The following SMC3 variants were observed in gnomAD, a reference collection of about 807,000 sequenced individuals.
The protein encoded by SMC3 is structural maintenance of chromosomes protein 3.
In SMC3, 20 loss-of-function variants were observed where a neutral mutation model predicts 171.8. The ratio of observed to expected loss-of-function variants is 0.12; its 90% CI spans 0.08 to 0.17. SMC3 has a LOEUF of 0.17. SMC3 is among the 10% of genes least tolerant of loss of function. SMC3 has a pLI of 1.00. For synonymous variants in SMC3, 464 were observed against 451.1 expected (o/e 1.03, Z -0.36); for missense variants, 543 against 1,420.4 (o/e 0.38, Z 9.93).
intron 4 of SMC3, among the ~76,000 whole-genome samples, chr10:110,575,988 G>C (rs1860941881): frequency 6.6e-6 from 1 of 152,126 alleles, no homozygotes; most frequent in Admixed American, 6.5e-5. Flanking sequence ...AGCCATATTT[G>C]TACTTAGATA....
chr10:110,583,440 AAAAG>A lies in SMC3; in HGVS notation c.864_867del (p.Lys288AsnfsTer28). The A allele has an allele frequency of 6.2e-7, 1 of 1,614,154 alleles. No individual in the cohort carries two copies. Among genetic ancestry groups the A allele is most frequent in the South Asian group, 1.1e-5 (1 of 91,084 alleles). ...CAAAAATTTCAGCTATGAAAGAAGA[AAAAG>A]AACAGCTTAGTGCTGAAAGACAAGA... is the stretch of plus-strand genomic sequence containing the variant. On this transcript the variant is annotated frameshift_variant, in exon 11 of 29. Coordinates refer to ENST00000361804, the MANE Select transcript of SMC3 (RefSeq NM_005445.4). LOFTEE classifies it high-confidence loss of function.
chr10:110,602,056 G>A lies in SMC3; in HGVS notation c.2983G>A (p.Glu995Lys). Reference sequence around the variant, plus strand: ...TTTGGATCAGTTTGTAAATTTCTCCGAGCAGAAAGAAAAGTTAATAAAGCG... The same window carrying A: ...TTTGGATCAGTTTGTAAATTTCTCCAAGCAGAAAGAAAAGTTAATAAAGCG... The part of the protein sequence containing the change: ...KALDQFVNFS[E>K]QKEKLIKRQE... Residue 995 changes from glutamate to lysine, a missense_variant, in exon 25 of 29, where the codon GAG (glutamate) becomes AAG (lysine). Glu to Lys is a moderately conservative substitution (Grantham distance 56). Around this residue, in one of 8 missense-constraint regions of SMC3, gnomAD observed 81 missense variants for 184.2 expected, o/e 0.44. Transcript: ENST00000361804. 1 of 1,613,770 alleles carries A rather than the reference G, an allele frequency of 6.2e-7. No homozygotes were observed. The highest frequency in any genetic ancestry group is 8.5e-7 in the Non-Finnish European group (1 of 1,179,828).
Position 110,575,362 on chromosome 10 carries a change from T to C in SMC3, c.157T>C (p.Phe53Leu). The change falls in exon 4 of 29, where the codon TTT (phenylalanine) becomes CTT (leucine). Residue 53 changes from phenylalanine to leucine, a missense_variant. Around this residue, in one of 8 missense-constraint regions of SMC3, gnomAD observed 146 missense variants for 437.9 expected, o/e 0.33. Coordinates refer to ENST00000361804, the MANE Select transcript of SMC3 (RefSeq NM_005445.4). The part of the protein sequence containing the change: ...YAIQFVLSDE[F>L]SHLRPEQRLA... ...AATTCAGTTTGTTCTCAGTGATGAGTTTAGTCATCTTCGTCCAGAACAGCG... is the reference window on the plus strand; with the variant it reads ...AATTCAGTTTGTTCTCAGTGATGAGCTTAGTCATCTTCGTCCAGAACAGCG... 1 of 1,613,700 alleles carries C rather than the reference T, an allele frequency of 6.2e-7. No homozygotes were observed. The highest frequency in any genetic ancestry group is 8.5e-7 in the Non-Finnish European group (1 of 1,179,748).
At chr10:110,600,416 A>G in intron 21 of SMC3, 23 bp from the exon 22 acceptor site, 1 of 1,188,650 alleles carries the variant, frequency 8.4e-7, no homozygotes, top group Admixed American at 1.7e-5. Flanking sequence ...ATGCTTATAT[A>G]GACAACTTTT....
intron 13 of SMC3, among the ~76,000 whole-genome samples, chr10:110,586,406 T>C (rs1023243695): frequency 1.3e-5 from 2 of 152,194 alleles, no homozygotes; most frequent in African/African-American, 4.8e-5. Context: ...TTTATATGGT[T>C]AGTATAGTCT....
intron 2 of SMC3, among the ~76,000 whole-genome samples, chr10:110,571,440 C>T (rs1377107437): frequency 1.3e-5 from 2 of 152,230 alleles, no homozygotes; most frequent in East Asian, 1.9e-4. Flanking sequence ...GATTTGGATT[C>T]TGACAAGGAT....
chr10:110,567,844 C>A lies in SMC3; in HGVS notation c.15+13C>A, dbSNP rs1458674291. On this transcript the variant is annotated intron_variant, in intron 1 of 28. Transcript: ENST00000361804. Reference sequence around the variant, plus strand: ...GTACATAAAGCAGGTAAGGCCTTCGCGTCCCTCCACCCCGTCATGGGCCGG... The same window carrying A: ...GTACATAAAGCAGGTAAGGCCTTCGAGTCCCTCCACCCCGTCATGGGCCGG... The A allele has an allele frequency of 3.1e-6, 5 of 1,613,394 alleles. No individual in the cohort carries two copies. Among genetic ancestry groups the A allele is most frequent in the South Asian group, 1.1e-5 (1 of 91,064 alleles).
chr10:110,582,498 G>GATAAA, intron 9 of SMC3, 64 bp from the exon 10 acceptor site: 1 of 1,124,690 alleles, frequency 8.9e-7, no homozygotes, highest in Non-Finnish European at 1.3e-6. Flanking sequence ...ATTTTTATTA[G>GATAAA]ATGTTATGAA....
intron 21 of SMC3, among the ~76,000 whole-genome samples, chr10:110,600,138 A>G (rs1444663137): frequency 6.6e-6 from 1 of 152,214 alleles, no homozygotes; most frequent in Non-Finnish European, 1.5e-5. Flanking sequence ...TTGATCAAGC[A>G]TTTTAATTGA....
chr10:110,603,963 C>T (rs895648209), intron 28 of SMC3, among the ~76,000 whole-genome samples: 16 of 151,754 alleles, frequency 1.1e-4, no homozygotes, highest in African/African-American at 2.9e-4. Context: ...GGCATGCTGG[C>T]GTGCACCTGT....
intron 18 of SMC3, among the ~76,000 whole-genome samples, chr10:110,595,223 G>GC: frequency 6.6e-6 from 1 of 151,808 alleles, no homozygotes; most frequent in African/African-American, 2.4e-5. Flanking sequence ...CAGGTGATCT[G>GC]CCTGCCTCAA....
chr10:110,593,285 A>T lies in SMC3; in HGVS notation c.1963+62A>T. 2.6e-6 allele frequency: 4 copies of T among 1,560,116 alleles called. No homozygotes were observed. In the South Asian group the frequency reaches 4.5e-5, roughly 18 times the overall value. On this transcript the variant is annotated intron_variant, in intron 18 of 28. Coordinates refer to ENST00000361804, the MANE Select transcript of SMC3 (RefSeq NM_005445.4). The stretch of plus-strand genomic sequence containing the variant: ...TTCTAACAAATCATTTAAAACATAT[A>T]ATCTGGCTGGGCGCAGTGGCTCATG...
chr10:110,595,090 C>G (rs1490400740), intron 18 of SMC3, among the ~76,000 whole-genome samples: 1 of 151,604 alleles, frequency 6.6e-6, no homozygotes, highest in Non-Finnish European at 1.5e-5. Context: ...TCAAGCGATT[C>G]TCCTGCCTCA....
chr10:110,588,867 A>C (rs1301868966), intron 13 of SMC3, among the ~76,000 whole-genome samples: 1 of 152,174 alleles, frequency 6.6e-6, no homozygotes, highest in African/African-American at 2.4e-5. Flanking sequence ...AGTTGAAAAT[A>C]GTTTTTGTGT....
intron 2 of SMC3, 29 bp downstream of exon 2, chr10:110,569,042 T>G: frequency 7.5e-7 from 1 of 1,336,590 alleles, no homozygotes; most frequent in Non-Finnish European, 1.1e-6. Flanking sequence ...CTCGGTCATA[T>G]TTATAGTCTA....
At chr10:110,601,193 A>T in intron 23 of SMC3, 63 bp downstream of exon 23, 1 of 1,156,754 alleles carries the variant, frequency 8.6e-7, no homozygotes, top group Non-Finnish European at 1.3e-6. Context: ...TTACTACAGA[A>T]TGAAATGTCC....
chr10:110,593,813 C>A (rs1178394350), intron 18 of SMC3, among the ~76,000 whole-genome samples: 1 of 151,546 alleles, frequency 6.6e-6, no homozygotes, highest in Non-Finnish European at 1.5e-5. Flanking sequence ...ATGGTGAAAC[C>A]CCATCTCTAC....
chr10:110,577,383 A>T (rs1182285160), intron 4 of SMC3, 38 bp from the exon 5 acceptor site: 1 of 1,480,872 alleles, frequency 6.8e-7, no homozygotes. Context: ...ATGAATATAC[A>T]ACTTAAATGG....
rs58272530 is a variant in SMC3 at position 110,586,224 on chromosome 10, GA to G, written c.1305+1835del. ...TACTCATATTCTCACTTTACATAAA[GA>G]AAAAAATATATAGTGGGGAGAAAAC... On this transcript the variant is annotated intron_variant, in intron 13 of 28. Transcript: ENST00000361804. 1.4e-3 allele frequency among the ~76,000 whole-genome samples: 219 copies of G among 152,110 alleles called. 1 individual carries two copies. The highest frequency in any genetic ancestry group is 5.1e-3 in the African/African-American group (212 of 41,504).
Sources: allele counts gnomAD v4.1 joint callset (sites outside exome capture counted in the v4.1 genomes callset), GRCh38; gene constraint gnomAD v4.1.1; regional missense constraint gnomAD v4.1.1; transcripts MANE v1.5; gene names NCBI Gene and HGNC (gene_info 2026-07-23, HGNC 2026-07-21).